DSE: variants seen among roughly 807,000 people sequenced by gnomAD.
DSE encodes the protein dermatan-sulfate epimerase.
In DSE, 36 loss-of-function variants were observed where a neutral mutation model predicts 84.4. The ratio of observed to expected loss-of-function variants is 0.43; its 90% CI spans 0.33 to 0.56. The LOEUF (loss-of-function observed/expected upper bound fraction) is 0.56. DSE is among the 20% of genes least tolerant of loss of function. The pLI is 0.06. For synonymous variants in DSE, 410 were observed against 430.1 expected (o/e 0.95, Z 0.58); for missense variants, 862 against 1,169.6 (o/e 0.74, Z 3.84).
chr6:116,293,815 A>G (rs1405824610), intron 2 of DSE, among the ~76,000 whole-genome samples: 2 of 151,934 alleles, frequency 1.3e-5, no homozygotes, highest in Non-Finnish European at 2.9e-5. Context: ...AGGGAGATCA[A>G]GGCTGCAGTG....
At chr6:116,385,986 C>A (rs1238752205) in intron 1 of DSE, among the ~76,000 whole-genome samples, 1 of 152,150 alleles carries the variant, frequency 6.6e-6, no homozygotes, top group Non-Finnish European at 1.5e-5. Flanking sequence ...AGATGTACTG[C>A]AGTTACAGGT....
chr6:116,294,985 A>C (rs1285448618), intron 2 of DSE, among the ~76,000 whole-genome samples: 1 of 152,214 alleles, frequency 6.6e-6, no homozygotes, highest in African/African-American at 2.4e-5. Flanking sequence ...ATTTAACGAT[A>C]AAAGACACTG....
intron 1 of DSE, 43 bp from the exon 2 acceptor site, chr6:116,399,155 C>G (rs1440858870): frequency 6.5e-7 from 1 of 1,535,392 alleles, no homozygotes; most frequent in East Asian, 2.3e-5. Flanking sequence ...GTGCCATGTT[C>G]CCTTGGCTGA....
At chr6:116,351,507 G>A (rs987775580) in intron 2 of DSE, among the ~76,000 whole-genome samples, 19 of 151,988 alleles carry the variant, frequency 1.3e-4, no homozygotes, top group African/African-American at 4.3e-4. Context: ...ATTTTTATTG[G>A]CTGAATATAT....
chr6:116,313,579 G>A (rs1433272548), intron 2 of DSE, among the ~76,000 whole-genome samples: 2 of 152,154 alleles, frequency 1.3e-5, no homozygotes, highest in African/African-American at 4.8e-5. Context: ...TTAATTGCAA[G>A]CATAGCTGGA....
chr6:116,432,695 T>C (rs1783919735), intron 4 of DSE: 1 of 152,132 alleles, frequency 6.6e-6, no homozygotes, highest in Non-Finnish European at 1.5e-5. Flanking sequence ...TGCTTCTTTT[T>C]TCATGAACAC....
At chr6:116,287,225 G>A (rs1303742635) in intron 2 of DSE, among the ~76,000 whole-genome samples, 1 of 152,062 alleles carries the variant, frequency 6.6e-6, no homozygotes, top group Non-Finnish European at 1.5e-5. Flanking sequence ...TGATAGCAGA[G>A]AGGATAGTAT....
At chr6:116,349,781 G>T (rs1490431712) in intron 2 of DSE, among the ~76,000 whole-genome samples, 1 of 152,192 alleles carries the variant, frequency 6.6e-6, no homozygotes, top group Non-Finnish European at 1.5e-5. Flanking sequence ...CTTCAGGCTA[G>T]AATGCCACAG....
intron 2 of DSE, among the ~76,000 whole-genome samples, chr6:116,346,569 G>A (rs978840278): frequency 2.0e-5 from 3 of 152,110 alleles, no homozygotes; most frequent in African/African-American, 7.2e-5. Context: ...AAATTCAACA[G>A]CGCCTCATGC....
intron 2 of DSE, among the ~76,000 whole-genome samples, chr6:116,290,574 A>C (rs907843127): frequency 7.9e-5 from 12 of 152,116 alleles, no homozygotes; most frequent in African/African-American, 2.9e-4. Context: ...AGGATATAAG[A>C]GCTCTAGCAA....
intron 1 of DSE, among the ~76,000 whole-genome samples, chr6:116,387,866 C>G (rs530283702): frequency 6.6e-6 from 1 of 152,228 alleles, no homozygotes; most frequent in African/African-American, 2.4e-5. Context: ...TACGGTATCC[C>G]AGAAACTAAT....
chr6:116,375,509 CTT>C, intron 1 of DSE: 1 of 984,738 alleles, frequency 1.0e-6, no homozygotes, highest in Non-Finnish European at 1.2e-6. Flanking sequence ...GCCTCAAAGT[CTT>C]TTTTATGTGT....
At chr6:116,342,331 A>G (rs1402599233) in intron 2 of DSE, among the ~76,000 whole-genome samples, 1 of 146,898 alleles carries the variant, frequency 6.8e-6, no homozygotes, top group Non-Finnish European at 1.5e-5. Flanking sequence ...CCAGAGCCAG[A>G]GTGCAATGGC....
intron 2 of DSE, chr6:116,278,587 C>T (rs369165300): frequency 6.2e-7 from 1 of 1,614,176 alleles, no homozygotes; most frequent in Non-Finnish European, 8.5e-7. Flanking sequence ...TCGGGCTCTA[C>T]GGACTCCTTC....
intron 3 of DSE, 71 bp downstream of exon 3, chr6:116,426,898 A>G (rs1783487998): frequency 2.0e-6 from 3 of 1,531,868 alleles, no homozygotes; most frequent in Non-Finnish European, 2.6e-6. Flanking sequence ...TGAGCAAAGC[A>G]TTTTTATAAC....
chr6:116,309,083 G>A (rs1468246600), intron 2 of DSE, among the ~76,000 whole-genome samples: 1 of 151,208 alleles, frequency 6.6e-6, no homozygotes, highest in Non-Finnish European at 1.5e-5. Flanking sequence ...TTTTTATTTT[G>A]TTTAGAACAG....
At chr6:116,278,230 G>C (rs914435941) in intron 2 of DSE, 8 of 413,092 alleles carry the variant, frequency 1.9e-5, no homozygotes, top group Admixed American at 3.6e-5. Context: ...GCAGATAAAG[G>C]CAGTACAATC....
intron 1 of DSE, among the ~76,000 whole-genome samples, chr6:116,385,459 G>A (rs1050063622): frequency 1.3e-5 from 2 of 151,930 alleles, no homozygotes; most frequent in Non-Finnish European, 2.9e-5. Context: ...GATTCTGGAC[G>A]GATTTGGAGT....
At chr6:116,344,825 C>T (rs942918039) in intron 2 of DSE, among the ~76,000 whole-genome samples, 60 of 152,236 alleles carry the variant, frequency 3.9e-4, no homozygotes, top group Non-Finnish European at 5.9e-4. Flanking sequence ...AAGACACAGA[C>T]CGGCAAATTG....
Sources: gnomAD v4.1 joint callset for allele counts (sites outside exome capture counted in the v4.1 genomes callset) on GRCh38, gnomAD v4.1.1 for gene constraint, MANE v1.5 for transcripts, NCBI Gene and HGNC (gene_info 2026-07-23, HGNC 2026-07-21) for gene names.